The following RGS6 variants were observed in gnomAD, a reference collection of about 807,000 sequenced individuals.
The protein encoded by RGS6 is regulator of G protein signaling 6, also known as regulator of G-protein signaling 6.
A neutral mutation model predicts 78.5 loss-of-function variants in RGS6; 30 were observed. That is an observed-to-expected ratio of 0.38 (90% CI 0.29 to 0.52). RGS6 has a LOEUF of 0.52. Among genes scored for constraint, RGS6 ranks in the 20% least tolerant of loss-of-function variants. RGS6 has a pLI of 0.85. For missense variants in RGS6, 495 were observed against 609.7 expected, an observed-to-expected ratio of 0.81 and a Z score of 1.98; for synonymous variants, 206 against 206.0, an observed-to-expected ratio of 1.00 and a Z score of 0.00.
At chr14:72,543,279 G>T (rs999836506) in intron 17 of RGS6, among the ~76,000 whole-genome samples, 2 of 152,188 alleles carry the variant, frequency 1.3e-5, no homozygotes, top group African/African-American at 4.8e-5. Flanking sequence ...CTGGGTTTCA[G>T]CCCCTATTGA....
At chr14:72,400,784 C>G (rs752541885) in intron 3 of RGS6, among the ~76,000 whole-genome samples, 5 of 152,236 alleles carry the variant, frequency 3.3e-5, no homozygotes, top group African/African-American at 1.2e-4. Context: ...GACAGCCCAT[C>G]CTCCACCTAC....
At chr14:72,141,585 C>T (rs2096540097) in intron 2 of RGS6, among the ~76,000 whole-genome samples, 1 of 152,122 alleles carries the variant, frequency 6.6e-6, no homozygotes, top group African/African-American at 2.4e-5. Context: ...GCTGGTGACT[C>T]CTTGAGCCTG....
At chr14:71,949,266 C>T (rs920767520) in intron 1 of RGS6, among the ~76,000 whole-genome samples, 4 of 152,076 alleles carry the variant, frequency 2.6e-5, no homozygotes, top group African/African-American at 9.7e-5. Context: ...AGTGGCTGCA[C>T]CAATTTATAT....
At chr14:72,387,655 C>T (rs896265055) in intron 3 of RGS6, among the ~76,000 whole-genome samples, 6 of 151,970 alleles carry the variant, frequency 3.9e-5, no homozygotes, top group African/African-American at 1.2e-4. Context: ...TACCTATATA[C>T]GTATGACATC....
chr14:71,998,809 G>C (rs1033036009), intron 2 of RGS6, among the ~76,000 whole-genome samples: 1 of 152,186 alleles, frequency 6.6e-6, no homozygotes, highest in African/African-American at 2.4e-5. Context: ...ATTTTGTAAG[G>C]GTCAAGTTAA....
chr14:72,627,965 G>C, the RGS6 span, among the ~76,000 whole-genome samples: 1 of 152,044 alleles, frequency 6.6e-6, no homozygotes, highest in Non-Finnish European at 1.5e-5. Flanking sequence ...TTAATTATGT[G>C]TGTTAGTTTT....
chr14:72,545,562 A>C (rs2097383676), intron 17 of RGS6, among the ~76,000 whole-genome samples: 1 of 151,970 alleles, frequency 6.6e-6, no homozygotes, highest in Admixed American at 6.5e-5. Context: ...CTCTGTCCTG[A>C]GATTTCTGAG....
At chr14:72,149,653 G>C (rs940053389) in intron 2 of RGS6, among the ~76,000 whole-genome samples, 51 of 152,104 alleles carry the variant, frequency 3.4e-4, no homozygotes, top group African/African-American at 1.2e-3. Flanking sequence ...ATACAAATCA[G>C]ATTTATTAAA....
Position 71,945,740 on chromosome 14 carries a change from T to C in RGS6, c.-21+12799T>C, listed in dbSNP as rs577823082. Among the ~76,000 whole-genome samples, 22 of 152,218 alleles carry C rather than the reference T, an allele frequency of 1.4e-4. 1 individual carries two copies. The East Asian group carries it at 4.2e-3, about 29-fold the overall frequency. ...GGGTTGGGGTTGCATTAGGGACAGGTGGAGAATGTGTTTAAGCGAGAAGTA... is the reference window on the plus strand; with the variant it reads ...GGGTTGGGGTTGCATTAGGGACAGGCGGAGAATGTGTTTAAGCGAGAAGTA... On this transcript the variant is annotated intron_variant, in intron 1 of 17. Coordinates refer to ENST00000553525, the MANE Select transcript of RGS6 (RefSeq NM_001204424.2).
intron 3 of RGS6, among the ~76,000 whole-genome samples, chr14:72,454,226 G>A (rs1191935214): frequency 6.6e-6 from 1 of 152,198 alleles, no homozygotes; most frequent in African/African-American, 2.4e-5. Context: ...TGGGGGCCAG[G>A]CATGATAAAG....
chr14:72,106,091 T>C lies in RGS6; in HGVS notation c.84+141216T>C, dbSNP rs17107331. ...TTAACAAACATATGAATCAGCTGTATAGCACATCAGAGAACAGAGAGACCA... is the reference window on the plus strand; with the variant it reads ...TTAACAAACATATGAATCAGCTGTACAGCACATCAGAGAACAGAGAGACCA... On this transcript the variant is annotated intron_variant, in intron 2 of 17. Transcript: ENST00000553525. Among the ~76,000 whole-genome samples the C allele has an allele frequency of 7.2e-3, 1,094 of 152,242 alleles. 39 individuals are homozygous for C. Among genetic ancestry groups the C allele is most frequent in the Admixed American group, 0.063 (956 of 15,276 alleles).
chr14:72,383,213 T>TATATATATATACACACAC (rs1387301746), intron 3 of RGS6, among the ~76,000 whole-genome samples: 1 of 118,338 alleles, frequency 8.5e-6, no homozygotes, highest in African/African-American at 3.1e-5. Flanking sequence ...TATATATATA[T>TATATATATATACACACAC]ACACACAAAC....
chr14:72,004,727 A>G (rs2084174653), intron 2 of RGS6, among the ~76,000 whole-genome samples: 1 of 152,146 alleles, frequency 6.6e-6, no homozygotes, highest in African/African-American at 2.4e-5. Context: ...CAGGTGGCTG[A>G]GGTGAGAGAA....
chr14:72,017,185 C>T (rs1208109725), intron 2 of RGS6, among the ~76,000 whole-genome samples: 2 of 152,170 alleles, frequency 1.3e-5, no homozygotes, highest in African/African-American at 4.8e-5. Context: ...TACAGGTGCT[C>T]ACCACCACAT....
intron 2 of RGS6, among the ~76,000 whole-genome samples, chr14:72,006,770 A>G (rs1341734004): frequency 6.6e-6 from 1 of 152,244 alleles, no homozygotes; most frequent in African/African-American, 2.4e-5. Flanking sequence ...ATGCATCAGT[A>G]GATAACTAAT....
intron 13 of RGS6, among the ~76,000 whole-genome samples, chr14:72,501,140 G>A (rs1266748573): frequency 6.6e-6 from 1 of 152,040 alleles, no homozygotes; most frequent in African/African-American, 2.4e-5. Flanking sequence ...AGGGGTCCAG[G>A]CAGGCTCGTT....
intron 2 of RGS6, among the ~76,000 whole-genome samples, chr14:72,038,117 A>C (rs1046931699): frequency 6.6e-6 from 1 of 151,904 alleles, no homozygotes; most frequent in Admixed American, 6.6e-5. Flanking sequence ...CTCCAGGCAC[A>C]TGCCACCATG....
intron 2 of RGS6, 112 bp downstream of exon 2, chr14:71,964,987 C>A: frequency 1.5e-6 from 1 of 657,788 alleles, no homozygotes; most frequent in Non-Finnish European, 2.4e-6. Flanking sequence ...CTGATAAATG[C>A]ATATTTTCTT....
chr14:72,157,998 G>A (rs193100427), intron 2 of RGS6, among the ~76,000 whole-genome samples: 27 of 152,068 alleles, frequency 1.8e-4, no homozygotes, highest in Non-Finnish European at 3.5e-4. Flanking sequence ...CCTTAGCCCC[G>A]CACTTTGTCC....
Sources: allele counts gnomAD v4.1 joint callset (sites outside exome capture counted in the v4.1 genomes callset), GRCh38; gene constraint gnomAD v4.1.1; transcripts MANE v1.5; gene names NCBI Gene and HGNC (gene_info 2026-07-23, HGNC 2026-07-21).